The following SLC4A4 variants were observed in gnomAD, a reference collection of about 807,000 sequenced individuals.
SLC4A4 encodes the protein electrogenic sodium bicarbonate cotransporter 1.
A neutral mutation model predicts 111.5 loss-of-function variants in SLC4A4; 27 were observed. The observed-to-expected ratio is 0.24, with a 90% CI of 0.18 to 0.33. The LOEUF (loss-of-function observed/expected upper bound fraction) is 0.33, where lower values mean the gene tolerates loss of function less well. SLC4A4 is among the 10% of genes least tolerant of loss of function. The probability of loss-of-function intolerance (pLI) is 1.00; values close to 1 mark genes in which losing one functional copy is unlikely to be tolerated. For synonymous variants in SLC4A4, 443 were observed against 463.4 expected (o/e 0.96, Z 0.57); for missense variants, 909 against 1,315.5 (o/e 0.69, Z 4.78).
At chr4:71,496,163 G>A (rs1182924554) in intron 15 of SLC4A4, among the ~76,000 whole-genome samples, 1 of 151,988 alleles carries the variant, frequency 6.6e-6, no homozygotes, top group African/African-American at 2.4e-5. Flanking sequence ...GAATACTAAG[G>A]GTGATAGATC....
chr4:71,124,659 C>T lies in SLC4A4; in HGVS notation c.-2+31867C>T, dbSNP rs1743517590. Reference sequence around the variant, plus strand: ...TACTTTCAATCTCTAGTGTTCAATGCCTCTTGAATAGCATTGCTAAAATTA... The same window carrying T: ...TACTTTCAATCTCTAGTGTTCAATGTCTCTTGAATAGCATTGCTAAAATTA... On this transcript the variant is annotated intron_variant, in intron 2 of 26. Transcript: ENST00000649996. 2.0e-5 allele frequency among the ~76,000 whole-genome samples: 3 copies of T among 152,264 alleles called. No individual in the cohort carries two copies. The South Asian group carries it at 6.2e-4, about 32-fold the overall frequency.
At chr4:71,537,979 G>C (rs532365220) in intron 18 of SLC4A4, among the ~76,000 whole-genome samples, 27 of 152,148 alleles carry the variant, frequency 1.8e-4, no homozygotes, top group African/African-American at 5.5e-4. Context: ...TCTTTCTAGT[G>C]GATGAGCCAT....
chr4:71,468,630 A>G (rs1004960274), intron 13 of SLC4A4, among the ~76,000 whole-genome samples: 3 of 151,928 alleles, frequency 2.0e-5, no homozygotes, highest in Non-Finnish European at 2.9e-5. Flanking sequence ...TGTTTATGTT[A>G]TAGCAGCAGC....
intron 7 of SLC4A4, among the ~76,000 whole-genome samples, chr4:71,419,108 GGGTGCCTCC>G (rs1254578138): frequency 2.0e-5 from 3 of 152,194 alleles, no homozygotes; most frequent in African/African-American, 7.2e-5. Flanking sequence ...CCCTACTGGG[GGGTGCCTCC>G]CAGTTAGGCT....
rs1340443691 is a variant in SLC4A4, at chr4:71,447,708, C to G, written c.1028C>G (p.Ala343Gly). ...KAKSYHEIGR[A>G]IATLMSDEVF... The stretch of plus-strand genomic sequence containing the variant: ...AAGTCCTACCACGAGATTGGCAGAG[C>G]CATTGCCACCCTGATGTCTGATGAG... Residue 343 changes from alanine to glycine, a missense_variant, in exon 9 of 26, where the codon GCC becomes GGC. Physicochemically the swap from Ala to Gly is moderately conservative, Grantham distance 60 (BLOSUM62 0). Around this residue, in one of 7 missense-constraint regions of SLC4A4, gnomAD observed 312 missense variants for 402.0 expected, o/e 0.78. Coordinates refer to ENST00000264485, the MANE Select transcript of SLC4A4 (RefSeq NM_001098484.3). 6.2e-7 allele frequency: 1 copy of G among 1,611,040 alleles called. No individual in the cohort carries two copies. Among genetic ancestry groups the G allele is most frequent in the African/African-American group, 1.3e-5 (1 of 74,840 alleles).
At chr4:71,530,276 G>T (rs933962558) in intron 16 of SLC4A4, among the ~76,000 whole-genome samples, 2 of 152,106 alleles carry the variant, frequency 1.3e-5, no homozygotes, top group African/African-American at 4.8e-5. Context: ...TATATTAGGA[G>T]AGTTTATTAT....
intron 1 of SLC4A4, among the ~76,000 whole-genome samples, chr4:71,232,713 C>T (rs569261153): frequency 6.6e-6 from 1 of 152,284 alleles, no homozygotes; most frequent in South Asian, 2.1e-4. Context: ...GTCAGCTTTT[C>T]TTCTTTTACT....
chr4:71,327,180 A>C (rs2148873610), intron 3 of SLC4A4, among the ~76,000 whole-genome samples: 1 of 152,130 alleles, frequency 6.6e-6, no homozygotes, highest in East Asian at 1.9e-4. Flanking sequence ...TTCCTATACC[A>C]AAACCAAAAG....
At chr4:71,077,750 G>A (rs1291695311) in intron 1 of SLC4A4, among the ~76,000 whole-genome samples, 2 of 152,092 alleles carry the variant, frequency 1.3e-5, no homozygotes, top group African/African-American at 4.8e-5. Context: ...TTTCTATTCT[G>A]CTTAATGATG....
chr4:71,240,590 G>C (rs536583061), intron 2 of SLC4A4, among the ~76,000 whole-genome samples: 1 of 152,200 alleles, frequency 6.6e-6, no homozygotes, highest in South Asian at 2.1e-4. Flanking sequence ...AAATTCACAT[G>C]TCTACTGATG....
chr4:71,248,087 G>A (rs1363683354), intron 2 of SLC4A4, among the ~76,000 whole-genome samples: 1 of 152,106 alleles, frequency 6.6e-6, no homozygotes, highest in Non-Finnish European at 1.5e-5. Context: ...CAACTCTGTA[G>A]GATGGCTAAA....
chr4:71,091,345 C>T (rs571804042), intron 1 of SLC4A4, among the ~76,000 whole-genome samples: 18 of 151,434 alleles, frequency 1.2e-4, no homozygotes, highest in South Asian at 4.2e-4. Context: ...CTCCGCATTC[C>T]GGGTTCACGC....
At chr4:71,143,684 T>G (rs1486224167) in intron 2 of SLC4A4, among the ~76,000 whole-genome samples, 8 of 152,388 alleles carry the variant, frequency 5.2e-5, no homozygotes, top group Middle Eastern at 3.4e-3. Flanking sequence ...TTGATTTGCA[T>G]TTCTCTGATG....
At chr4:71,116,943 C>CA (rs112257014) in intron 2 of SLC4A4, among the ~76,000 whole-genome samples, 1,786 of 116,470 alleles carry the variant, frequency 0.015, 23 homozygotes, top group African/African-American at 0.037. Flanking sequence ...AACTCCATCT[C>CA]AAAAAAAAAA....
intron 1 of SLC4A4, among the ~76,000 whole-genome samples, chr4:71,224,254 C>T (rs532887480): frequency 6.6e-6 from 1 of 152,320 alleles, no homozygotes; most frequent in Non-Finnish European, 1.5e-5. Flanking sequence ...CCTGGTCCTG[C>T]GAACACTGAC....
chr4:71,192,383 T>C (rs891818786), intron 1 of SLC4A4, among the ~76,000 whole-genome samples: 1 of 152,118 alleles, frequency 6.6e-6, no homozygotes, highest in African/African-American at 2.4e-5. Context: ...TCCCTCAGAG[T>C]CAGTTTACTT....
intron 6 of SLC4A4, among the ~76,000 whole-genome samples, chr4:71,395,148 A>C (rs1719696799): frequency 6.6e-6 from 1 of 152,128 alleles, no homozygotes; most frequent in African/African-American, 2.4e-5. Flanking sequence ...GGTGATGTGG[A>C]TATTGCTGGT....
chr4:71,300,475 A>T, intron 3 of SLC4A4: 1 of 246,320 alleles, frequency 4.1e-6, no homozygotes, highest in African/African-American at 2.3e-5. Context: ...CAGCACCACA[A>T]GTTCTGCCCA....
intron 14 of SLC4A4, among the ~76,000 whole-genome samples, chr4:71,474,120 A>C (rs1442007721): frequency 2.3e-4 from 2 of 8,816 alleles, no homozygotes; most frequent in East Asian, 0.018. Flanking sequence ...ACCCTGTCAA[A>C]AAAAAAAAAA....
Sources: gnomAD v4.1 joint callset for allele counts (sites outside exome capture counted in the v4.1 genomes callset) on GRCh38, gnomAD v4.1.1 for gene constraint, gnomAD v4.1.1 regional missense constraint, MANE v1.5 for transcripts, NCBI Gene and HGNC (gene_info 2026-07-23, HGNC 2026-07-21) for gene names.